The following SGCD variants were observed in gnomAD, a reference collection of about 807,000 sequenced individuals.
SGCD encodes the protein sarcoglycan delta, also known as delta-sarcoglycan.
Under a neutral mutation model 36.6 loss-of-function variants are expected in SGCD, and 18 were observed. The ratio of observed to expected loss-of-function variants is 0.49; its 90% confidence interval spans 0.34 to 0.73. SGCD has a LOEUF of 0.73. Ranked by LOEUF, SGCD falls within the 30% of genes least tolerant of loss-of-function variation. The pLI, the probability that SGCD is intolerant of heterozygous loss-of-function variation, is 0.01. For missense variants in SGCD, 387 were observed against 346.7 expected (o/e 1.12, Z -0.92); for synonymous variants, 133 against 130.6 (o/e 1.02, Z -0.12).
intron 3 of SGCD, among the ~76,000 whole-genome samples, chr5:156,149,266 A>G (rs778734951): frequency 5.3e-5 from 8 of 152,182 alleles, no homozygotes; most frequent in Admixed American, 2.0e-4. Flanking sequence ...AAACAATCCA[A>G]TTATACACTT....
intron 7 of SGCD, among the ~76,000 whole-genome samples, chr5:156,743,158 CTG>C (rs1360200156): frequency 7.0e-6 from 1 of 143,508 alleles, no homozygotes; most frequent in Non-Finnish European, 1.5e-5. Context: ...GGTGCCCAGA[CTG>C]GAGTGCAGTG....
chr5:156,640,253 G>A (rs371059888), intron 6 of SGCD, among the ~76,000 whole-genome samples: 1 of 151,338 alleles, frequency 6.6e-6, no homozygotes, highest in South Asian at 2.1e-4. Flanking sequence ...TGTACTATGT[G>A]AAGTGTGCAT....
chr5:156,584,766 C>T (rs1160916610), intron 4 of SGCD, among the ~76,000 whole-genome samples: 2 of 152,186 alleles, frequency 1.3e-5, no homozygotes, highest in Non-Finnish European at 1.5e-5. Flanking sequence ...GGCCTCCTCC[C>T]ACCACACTGC....
At chr5:155,943,167 T>C (rs1757368802) in intron 1 of SGCD, among the ~76,000 whole-genome samples, 1 of 152,184 alleles carries the variant, frequency 6.6e-6, no homozygotes, top group Non-Finnish European at 1.5e-5. Flanking sequence ...CTAGCTATAT[T>C]AATATATTTA....
intron 6 of SGCD, among the ~76,000 whole-genome samples, 154 bp from the exon 7 acceptor site, chr5:156,647,310 T>A (rs1361729094): frequency 6.6e-6 from 1 of 152,180 alleles, no homozygotes; most frequent in African/African-American, 2.4e-5. Context: ...ATTCAATGCT[T>A]TCCTATCATG....
chr5:156,391,981 T>A (rs1316667197), intron 3 of SGCD, among the ~76,000 whole-genome samples: 2 of 152,262 alleles, frequency 1.3e-5, no homozygotes, highest in African/African-American at 2.4e-5. Flanking sequence ...TTTGAAAAGG[T>A]GTTGCAACAT....
At chr5:156,492,539 T>C (rs1452668805) in intron 3 of SGCD, among the ~76,000 whole-genome samples, 4 of 152,194 alleles carry the variant, frequency 2.6e-5, no homozygotes, top group Non-Finnish European at 5.9e-5. Context: ...TTAAATAGTA[T>C]AGATATTTAC....
Position 156,382,011 on chromosome 5 carries a change from T to C in SGCD, c.192+37334T>C, listed in dbSNP as rs545631459. 2.0e-5 allele frequency among the ~76,000 whole-genome samples: 3 copies of C among 152,334 alleles called. No homozygotes were observed. In the South Asian group the frequency reaches 6.2e-4, roughly 32 times the overall value. ...TATTATCATAAACATAATTTTTACA[T>C]TATCATCTTTAATTCCCACAAGTTG... is the stretch of plus-strand genomic sequence containing the variant. On this transcript the variant is annotated intron_variant, in intron 3 of 8. Transcript: ENST00000337851.
chr5:155,853,542 T>G, the SGCD span, among the ~76,000 whole-genome samples: 2 of 152,230 alleles, frequency 1.3e-5, no homozygotes, highest in African/African-American at 4.8e-5. Flanking sequence ...TTTGTTTTGC[T>G]CTTGCGCCTT....
chr5:156,474,803 A>T (rs1481360241), intron 3 of SGCD, among the ~76,000 whole-genome samples: 1 of 152,126 alleles, frequency 6.6e-6, no homozygotes, highest in East Asian at 1.9e-4. Flanking sequence ...TTTTGCCATG[A>T]TATTAGGATG....
At chr5:155,836,461 C>G in the SGCD span, among the ~76,000 whole-genome samples, 1 of 135,596 alleles carries the variant, frequency 7.4e-6, no homozygotes, top group Non-Finnish European at 1.5e-5. Context: ...TTCTCTACCT[C>G]TGATACCCAC....
intron 4 of SGCD, among the ~76,000 whole-genome samples, chr5:156,576,945 G>C (rs1175717164): frequency 6.6e-6 from 1 of 151,958 alleles, no homozygotes; most frequent in African/African-American, 2.4e-5. Context: ...GTCTATTTTG[G>C]CTTTTGTTGC....
chr5:156,460,412 G>A (rs1165783367), intron 3 of SGCD, among the ~76,000 whole-genome samples: 1 of 152,180 alleles, frequency 6.6e-6, no homozygotes, highest in Non-Finnish European at 1.5e-5. Flanking sequence ...GGAGTTCAAA[G>A]ATGGGAAAGA....
chr5:156,402,284 A>C (rs1772197555), intron 3 of SGCD, among the ~76,000 whole-genome samples: 1 of 152,182 alleles, frequency 6.6e-6, no homozygotes, highest in Admixed American at 6.5e-5. Context: ...ATATCCCTAA[A>C]AGTGGTATTA....
At chr5:156,467,279 A>T (rs1329191258) in intron 3 of SGCD, among the ~76,000 whole-genome samples, 1 of 152,238 alleles carries the variant, frequency 6.6e-6, no homozygotes, top group Non-Finnish European at 1.5e-5. Flanking sequence ...TATCTATAAA[A>T]TATCCTCAAG....
At chr5:156,262,326 C>A (rs758916638) in intron 3 of SGCD, among the ~76,000 whole-genome samples, 34 of 152,212 alleles carry the variant, frequency 2.2e-4, no homozygotes, top group Non-Finnish European at 2.2e-4. Context: ...CTTATCATTG[C>A]ATTACAGTTG....
chr5:156,731,334 T>C (rs1441973878), intron 7 of SGCD, among the ~76,000 whole-genome samples: 2 of 152,186 alleles, frequency 1.3e-5, no homozygotes, highest in African/African-American at 4.8e-5. Flanking sequence ...CTGAATAGCA[T>C]GTCCTAGGTT....
chr5:156,007,093 C>G (rs1758772810), intron 1 of SGCD, among the ~76,000 whole-genome samples: 1 of 152,206 alleles, frequency 6.6e-6, no homozygotes. Context: ...AGTACCCCTG[C>G]TACTTCCCTG....
intron 3 of SGCD, among the ~76,000 whole-genome samples, chr5:156,429,203 T>A (rs1773812581): frequency 6.6e-6 from 1 of 151,956 alleles, no homozygotes; most frequent in African/African-American, 2.4e-5. Context: ...CATATATATT[T>A]AGGACTGTGA....
Sources: allele counts gnomAD v4.1 joint callset (sites outside exome capture counted in the v4.1 genomes callset), GRCh38; gene constraint gnomAD v4.1.1; transcripts MANE v1.5; gene names NCBI Gene and HGNC (gene_info 2026-07-23, HGNC 2026-07-21).